EPS15: variants seen among roughly 807,000 people sequenced by gnomAD.
The protein encoded by EPS15 is epidermal growth factor receptor substrate 15.
EPS15 carries 72 observed loss-of-function variants against 113.8 expected under a neutral mutation model. The ratio of observed to expected loss-of-function variants is 0.63; its 90% confidence interval spans 0.52 to 0.77. The LOEUF (loss-of-function observed/expected upper bound fraction) is 0.77. EPS15 is among the 30% of genes least tolerant of loss of function. EPS15 has a pLI of 0.00. For synonymous variants in EPS15, 344 were observed against 363.4 expected (o/e 0.95, Z 0.61); for missense variants, 1,048 against 1,045.8 (o/e 1.00, Z -0.03).
chr1:51,474,586 T>C (rs1048516292), intron 2 of EPS15, among the ~76,000 whole-genome samples: 11 of 152,234 alleles, frequency 7.2e-5, no homozygotes, highest in Admixed American at 2.6e-4. Context: ...TATTTTAATG[T>C]TCTATTTTCT....
At chr1:51,464,222 G>A (rs1350674818) in intron 6 of EPS15, among the ~76,000 whole-genome samples, 1 of 148,834 alleles carries the variant, frequency 6.7e-6, no homozygotes, top group African/African-American at 2.5e-5. Context: ...ATGGTATGAG[G>A]TGCAGTTCAA....
At chr1:51,485,839 C>G (rs181110380) in intron 1 of EPS15, among the ~76,000 whole-genome samples, 1 of 152,180 alleles carries the variant, frequency 6.6e-6, no homozygotes, top group East Asian at 1.9e-4. Context: ...CTCTTGTCGC[C>G]CAGGGTGGAG....
intron 21 of EPS15, among the ~76,000 whole-genome samples, chr1:51,388,820 T>C (rs1406144898): frequency 6.6e-6 from 1 of 152,212 alleles, no homozygotes; most frequent in Non-Finnish European, 1.5e-5. Context: ...ATTGTGGCAA[T>C]AATCAATAGC....
intron 2 of EPS15, among the ~76,000 whole-genome samples, chr1:51,475,251 C>T (rs1209445271): frequency 2.0e-5 from 3 of 152,120 alleles, no homozygotes; most frequent in Admixed American, 6.6e-5. Flanking sequence ...CTTGAGGAAT[C>T]GCCACACTGT....
chr1:51,518,694 T>C (rs974919462), intron 1 of EPS15, among the ~76,000 whole-genome samples: 1 of 152,100 alleles, frequency 6.6e-6, no homozygotes, highest in Non-Finnish European at 1.5e-5. Context: ...AAAGACTGGC[T>C]TGGGGGGCCT....
In EPS15 at chr1:51,430,988, A is replaced by G. The variant is rs1651673165; in HGVS notation, c.1041-9130T>C. Among the ~76,000 whole-genome samples, 9 of 134,952 alleles carry G rather than the reference A, an allele frequency of 6.7e-5. No individual in the cohort carries two copies. The South Asian group carries it at 2.0e-3, about 30-fold the overall frequency. 88.5% of individuals were successfully genotyped at this position (134,952 alleles called of 152,430 possible). On this transcript the variant is annotated intron_variant, in intron 12 of 24. Coordinates refer to ENST00000371733, the MANE Select transcript of EPS15 (RefSeq NM_001981.3). ...ATACATTACTTACATACACACACAC[A>G]CACACACACACACACACACACACAC...
intron 21 of EPS15, among the ~76,000 whole-genome samples, chr1:51,374,497 G>A (rs1006485444): frequency 2.0e-5 from 3 of 151,930 alleles, no homozygotes; most frequent in Non-Finnish European, 2.9e-5. Flanking sequence ...TCAGCTACTC[G>A]GGAGGGTGAG....
chr1:51,453,858 C>T (rs1372280471), intron 8 of EPS15, among the ~76,000 whole-genome samples: 4 of 151,620 alleles, frequency 2.6e-5, no homozygotes, highest in Non-Finnish European at 5.9e-5. Context: ...TGGCCAAAGC[C>T]CAAGACTTTG....
chr1:51,380,022 C>T (rs1490117205), intron 21 of EPS15, among the ~76,000 whole-genome samples: 1 of 149,222 alleles, frequency 6.7e-6, no homozygotes, highest in East Asian at 2.0e-4. Flanking sequence ...GATCTTGCCA[C>T]TGCATTCCAG....
At chr1:51,489,408 G>A (rs1352540733) in intron 1 of EPS15, among the ~76,000 whole-genome samples, 7 of 149,612 alleles carry the variant, frequency 4.7e-5, no homozygotes, top group South Asian at 4.2e-4. Flanking sequence ...TGCAATCTCC[G>A]CCTCCCGGGT....
chr1:51,384,647 C>A (rs1217402607), intron 21 of EPS15, among the ~76,000 whole-genome samples: 3 of 151,966 alleles, frequency 2.0e-5, no homozygotes, highest in Non-Finnish European at 4.4e-5. Context: ...CCAAAGCAGT[C>A]TTAAAAAGGA....
chr1:51,473,587 C>CA (rs1450292913), intron 2 of EPS15, among the ~76,000 whole-genome samples: 11 of 151,466 alleles, frequency 7.3e-5, no homozygotes, highest in African/African-American at 2.7e-4. Flanking sequence ...CAGAAACAAA[C>CA]AAACAAACAA....
At chr1:51,357,419 TATATA>T (rs1407612138) in intron 24 of EPS15, among the ~76,000 whole-genome samples, 186 of 65,652 alleles carry the variant, frequency 2.8e-3, no homozygotes, top group Non-Finnish European at 3.5e-3. Context: ...TATATATATA[TATATA>T]TATTTTTTTT....
At chr1:51,390,833 A>G (rs1371802318) in intron 21 of EPS15, among the ~76,000 whole-genome samples, 5 of 152,282 alleles carry the variant, frequency 3.3e-5, no homozygotes, top group South Asian at 2.1e-4. Flanking sequence ...TGGAGAGGAT[A>G]TGGAGAAACA....
Position 51,356,595 on chromosome 1 carries a change from C to A in EPS15, c.*105G>T. ...TTGTCACATTTACAGGAATCTCAAACCTTTTGTATTCCCATGCTCACAGGT... is the reference window on the plus strand; with the variant it reads ...TTGTCACATTTACAGGAATCTCAAAACTTTTGTATTCCCATGCTCACAGGT... On this transcript the variant is annotated 3_prime_UTR_variant, in exon 25 of 25. Transcript: ENST00000371733. The A allele has an allele frequency of 2.1e-6, 2 of 954,078 alleles. No homozygotes were observed. The highest frequency in any genetic ancestry group is 4.5e-5 in the South Asian group (2 of 44,620). 59.1% of individuals were successfully genotyped at this position (954,078 alleles called of 1,614,324 possible). A position where few individuals can be genotyped will look rare whatever the true frequency, so the allele number is the denominator to read the frequency against.
At chr1:51,437,628 G>A (rs1046391006) in intron 12 of EPS15, among the ~76,000 whole-genome samples, 7 of 151,410 alleles carry the variant, frequency 4.6e-5, no homozygotes, top group Non-Finnish European at 8.8e-5. Context: ...AATTACAGAT[G>A]TGTGCCACCA....
chr1:51,393,871 T>A (rs1334553257), intron 21 of EPS15, among the ~76,000 whole-genome samples: 11 of 152,234 alleles, frequency 7.2e-5, no homozygotes, highest in Non-Finnish European at 1.6e-4. Flanking sequence ...CCTCAGTTTA[T>A]GTTTAAAATG....
Position 51,408,263 on chromosome 1 carries a change from T to C in EPS15, c.1345A>G (p.Lys449Glu). Residue 449 changes from lysine (K) to glutamate (E), a missense_variant, in exon 15 of 25, where the codon AAA (lysine) becomes GAA (glutamate). Transcript: ENST00000371733. ...AGACGGCTCAGCTCTTCTCTAGCTT[T>C]TGCCAATTCTTCTTCGTAAGTGGAG... ...QISTYEEELA[K>E]AREELSRLQQ... is the part of the protein sequence containing the mutation. 1 of 1,613,982 alleles carries C rather than the reference T, an allele frequency of 6.2e-7. No individual in the cohort carries two copies. The highest frequency in any genetic ancestry group is 8.5e-7 in the Non-Finnish European group (1 of 1,179,842).
At chr1:51,466,630 A>G (rs1340578737) in intron 5 of EPS15, among the ~76,000 whole-genome samples, 1 of 151,882 alleles carries the variant, frequency 6.6e-6, no homozygotes, top group African/African-American at 2.4e-5. Context: ...TCTCAAAAAA[A>G]AATAAATAAA....
Sources: gnomAD v4.1 joint callset for allele counts (sites outside exome capture counted in the v4.1 genomes callset) on GRCh38, gnomAD v4.1.1 for gene constraint, MANE v1.5 for transcripts, NCBI Gene and HGNC (gene_info 2026-07-23, HGNC 2026-07-21) for gene names.